ZFHX4: variants seen among roughly 807,000 people sequenced by gnomAD.
The protein encoded by ZFHX4 is zinc finger homeobox protein 4.
In ZFHX4, 56 loss-of-function variants were observed where a neutral mutation model predicts 267.6. The ratio of observed to expected loss-of-function variants is 0.21; its 90% confidence interval spans 0.17 to 0.26. The LOEUF (loss-of-function observed/expected upper bound fraction) is 0.26, where lower values mean the gene tolerates loss of function less well. ZFHX4 is among the 10% of genes least tolerant of loss of function. The probability of loss-of-function intolerance (pLI) is 1.00; values close to 1 mark genes in which losing one functional copy is unlikely to be tolerated. For missense variants in ZFHX4, 4,332 were observed against 4,420.0 expected, an observed-to-expected ratio of 0.98 and a Z score of 0.56; for synonymous variants, 1,778 against 1,665.6, an observed-to-expected ratio of 1.07 and a Z score of -1.64.
At position 76,779,153 on chromosome 8, in the gene ZFHX4, G is replaced by A. The variant is rs554818608; in HGVS notation, c.3325+714G>A. 1.2e-3 allele frequency among the ~76,000 whole-genome samples: 176 copies of A among 152,218 alleles called. 2 individuals carry two copies. The highest frequency in any genetic ancestry group is 2.3e-3 in the East Asian group (12 of 5,184). On this transcript the variant is annotated intron_variant, in intron 4 of 10. Coordinates refer to ENST00000651372, the MANE Select transcript of ZFHX4 (RefSeq NM_024721.5). Reference sequence around the variant, plus strand: ...TACCCATATTGGAATTAAATGAGACGGCTGTACTTTTGGCTTTAATTATAA... The same window carrying A: ...TACCCATATTGGAATTAAATGAGACAGCTGTACTTTTGGCTTTAATTATAA...
chr8:76,778,730 C>T (rs1243055983), intron 4 of ZFHX4, among the ~76,000 whole-genome samples: 5 of 152,184 alleles, frequency 3.3e-5, no homozygotes, highest in African/African-American at 1.2e-4. Flanking sequence ...TTTTTCCCCC[C>T]AGAGTGAGCT....
chr8:76,748,897 A>G (rs181563261), intron 3 of ZFHX4, among the ~76,000 whole-genome samples: 1 of 152,210 alleles, frequency 6.6e-6, no homozygotes, highest in Non-Finnish European at 1.5e-5. Flanking sequence ...TCCCCATTTC[A>G]ACTTATATAA....
At chr8:76,692,852 G>A (rs1207299591) in intron 1 of ZFHX4, among the ~76,000 whole-genome samples, 1 of 151,858 alleles carries the variant, frequency 6.6e-6, no homozygotes, top group Non-Finnish European at 1.5e-5. Context: ...TATATGTTTG[G>A]TTCATAACAC....
At position 76,852,582 on chromosome 8, in the gene ZFHX4, G is replaced by T; in HGVS notation, c.5661G>T (p.Lys1887Asn). 6.2e-7 allele frequency: 1 copy of T among 1,611,718 alleles called. No individual in the cohort carries two copies. Among genetic ancestry groups the T allele is most frequent in the South Asian group, 1.1e-5 (1 of 90,628 alleles). Residue 1887 changes from lysine to asparagine, a missense_variant, in exon 10 of 11, where the codon AAG becomes AAT. Transcript: ENST00000651372. ...EGLKEGKDTK[K>N]QKSLEPSIPP... ...TCAAAGAAGGCAAAGACACAAAGAAGCAAAAATCCTTGGAACCATCCATCC... is the reference window on the plus strand; with the variant it reads ...TCAAAGAAGGCAAAGACACAAAGAATCAAAAATCCTTGGAACCATCCATCC...
chr8:76,818,352 T>C (rs1811559687), intron 4 of ZFHX4, among the ~76,000 whole-genome samples: 1 of 152,172 alleles, frequency 6.6e-6, no homozygotes, highest in Non-Finnish European at 1.5e-5. Context: ...GAAACTATAC[T>C]AAAAGACTAT....
At chr8:76,819,596 TA>T (rs1240982341) in intron 4 of ZFHX4, among the ~76,000 whole-genome samples, 2 of 152,116 alleles carry the variant, frequency 1.3e-5, no homozygotes, top group Non-Finnish European at 2.9e-5. Context: ...TCCCTGTCTA[TA>T]GGACTTTTGG....
intron 3 of ZFHX4, among the ~76,000 whole-genome samples, chr8:76,718,352 T>C (rs1185987635): frequency 6.6e-6 from 1 of 152,226 alleles, no homozygotes; most frequent in Non-Finnish European, 1.5e-5. Flanking sequence ...ATCACTATTC[T>C]TTAAACAGAA....
chr8:76,681,401 T>C lies in ZFHX4; in HGVS notation c.-266T>C. On this transcript the variant is annotated 5_prime_UTR_variant, in exon 1 of 11. An upstream start codon of the reference 5' UTR is lost. Transcript: ENST00000651372. ...AAACAGCGAGACCGCGGTCGGCACA[T>C]GCTTTAACTCCTCCCGGACCCCCGA... 1 of 398,960 alleles carries C rather than the reference T, an allele frequency of 2.5e-6. No individual in the cohort carries two copies. The highest frequency in any genetic ancestry group is 4.4e-6 in the Non-Finnish European group (1 of 226,066). 24.7% of individuals were successfully genotyped at this position (398,960 alleles called of 1,614,324 possible). A position where few individuals can be genotyped will look rare whatever the true frequency, so the allele number is the denominator to read the frequency against.
rs376991694 is a variant in ZFHX4, at chr8:76,864,372, C to T, written c.10658C>T (p.Thr3553Met). 2.2e-5 allele frequency: 36 copies of T among 1,613,666 alleles called. No individual in the cohort carries two copies. Among genetic ancestry groups the T allele is most frequent in the African/African-American group, 9.3e-5 (7 of 74,884 alleles). Residue 3553 changes from threonine to methionine, a missense_variant, in exon 11 of 11, where the codon ACG (threonine) becomes ATG (methionine). This residue lies in a region of ZFHX4 where 1,648 missense variants were observed against 1,625.0 expected (regional missense o/e 1.01). Coordinates refer to ENST00000651372, the MANE Select transcript of ZFHX4 (RefSeq NM_024721.5). ...CCTCCTTCCCTTTCCTTGCCTTCAACGGTTACCTCAAGTTTGTGCAGCACC... is the reference window on the plus strand; with the variant it reads ...CCTCCTTCCCTTTCCTTGCCTTCAATGGTTACCTCAAGTTTGTGCAGCACC... The part of the protein sequence containing the change: ...SSPPSLSLPS[T>M]VTSSLCSTSG...
rs79967444 is a variant in ZFHX4 at position 76,684,253 on chromosome 8, TA to T, written c.-47+2644del. On this transcript the variant is annotated intron_variant, in intron 1 of 10. Coordinates refer to ENST00000651372, the MANE Select transcript of ZFHX4 (RefSeq NM_024721.5). ...GGTTTTCTTTTTTCCTTCCTCATCTTAAAAAAAAAAATCCTTAAGGGAATAT... is the reference window on the plus strand; with the variant it reads ...GGTTTTCTTTTTTCCTTCCTCATCTTAAAAAAAAAATCCTTAAGGGAATAT... Among the ~76,000 whole-genome samples the T allele has an allele frequency of 4.2e-3, 618 of 146,666 alleles. 1 individual carries two copies. The highest frequency in any genetic ancestry group is 0.011 in the African/African-American group (428 of 40,246).
intron 4 of ZFHX4, among the ~76,000 whole-genome samples, chr8:76,797,032 G>A (rs796288387): frequency 7.2e-5 from 11 of 152,298 alleles, no homozygotes; most frequent in African/African-American, 1.7e-4. Flanking sequence ...GTTTGATGAG[G>A]TGGCAACCAG....
At chr8:76,685,050 T>A (rs1807657152) in intron 1 of ZFHX4, among the ~76,000 whole-genome samples, 1 of 152,186 alleles carries the variant, frequency 6.6e-6, no homozygotes, top group South Asian at 2.1e-4. Context: ...TGGCCTCCCC[T>A]CCATTAACTG....
At chr8:76,686,267 T>G (rs1807690903) in intron 1 of ZFHX4, among the ~76,000 whole-genome samples, 1 of 152,232 alleles carries the variant, frequency 6.6e-6, no homozygotes, top group African/African-American at 2.4e-5. Flanking sequence ...AAAGGCTCTT[T>G]AATCTCTGCA....
chr8:76,821,057 G>A (rs1811636048), intron 4 of ZFHX4, among the ~76,000 whole-genome samples: 2 of 152,024 alleles, frequency 1.3e-5, no homozygotes, highest in Admixed American at 6.6e-5. Context: ...AGGATGATAA[G>A]CCCTAGTCTC....
intron 3 of ZFHX4, among the ~76,000 whole-genome samples, chr8:76,737,311 T>C (rs1274120173): frequency 6.6e-6 from 1 of 152,210 alleles, no homozygotes; most frequent in Non-Finnish European, 1.5e-5. Flanking sequence ...AGAGGGCATT[T>C]AAAAAGCTTG....
intron 3 of ZFHX4, among the ~76,000 whole-genome samples, chr8:76,754,087 A>G (rs1257181313): frequency 6.6e-6 from 1 of 151,520 alleles, no homozygotes; most frequent in Admixed American, 6.6e-5. Flanking sequence ...TATAGGTGTT[A>G]TATACAGTAC....
intron 5 of ZFHX4, among the ~76,000 whole-genome samples, chr8:76,842,043 G>A (rs982066754): frequency 6.6e-6 from 1 of 152,110 alleles, no homozygotes; most frequent in African/African-American, 2.4e-5. Context: ...CCGTGAATGA[G>A]GTGTGGGGTG....
chr8:76,746,850 C>G (rs1267978686), intron 3 of ZFHX4, among the ~76,000 whole-genome samples: 1 of 152,156 alleles, frequency 6.6e-6, no homozygotes, highest in Non-Finnish European at 1.5e-5. Context: ...TTTCACCCTG[C>G]TGATGGTCCC....
At chr8:76,700,950 T>C (rs191766509) in intron 1 of ZFHX4, among the ~76,000 whole-genome samples, 14 of 152,232 alleles carry the variant, frequency 9.2e-5, no homozygotes, top group African/African-American at 3.4e-4. Context: ...TGGAATTAAT[T>C]CTATGGTTTA....
Sources: allele counts gnomAD v4.1 joint callset (sites outside exome capture counted in the v4.1 genomes callset), GRCh38; gene constraint gnomAD v4.1.1; regional missense constraint gnomAD v4.1.1; transcripts MANE v1.5; gene names NCBI Gene and HGNC (gene_info 2026-07-23, HGNC 2026-07-21).